The following PEPD variants were observed in gnomAD, a reference collection of about 807,000 sequenced individuals.
PEPD encodes xaa-Pro dipeptidase.
In PEPD, 53 loss-of-function variants were observed where a neutral mutation model predicts 60.7. The observed-to-expected ratio is 0.87, with a 90% CI of 0.70 to 1.10. PEPD has a LOEUF of 1.10. PEPD is among the 50% of genes least tolerant of loss of function. The probability of loss-of-function intolerance (pLI) is 0.00; values close to 1 mark genes in which losing one functional copy is unlikely to be tolerated. For synonymous variants in PEPD, 267 were observed against 284.1 expected (o/e 0.94, Z 0.60); for missense variants, 711 against 711.9 (o/e 1.00, Z 0.01).
In PEPD at chr19:33,407,375, G is replaced by C. The variant is rs73927845; in HGVS notation, c.818+4297C>G. ...TAGCTGCGAAGCTTGCTGGCCTGCA[G>C]TGGCTCTGGTGCCCACAGCCCAGGC... On this transcript the variant is annotated intron_variant, in intron 11 of 14. Coordinates refer to ENST00000244137, the MANE Select transcript of PEPD (RefSeq NM_000285.4). Among the ~76,000 whole-genome samples, 277 of 152,342 alleles carry C rather than the reference G, an allele frequency of 1.8e-3. 1 individual carries two copies. Among genetic ancestry groups the C allele is most frequent in the African/African-American group, 6.4e-3 (268 of 41,582 alleles).
chr19:33,465,451 C>T (rs189323847), intron 7 of PEPD, among the ~76,000 whole-genome samples: 6 of 152,254 alleles, frequency 3.9e-5, no homozygotes, highest in Admixed American at 1.3e-4. Context: ...TGAGGCCACA[C>T]CCCTCTACTG....
At chr19:33,425,875 A>C (rs554764581) in intron 9 of PEPD, among the ~76,000 whole-genome samples, 7 of 152,206 alleles carry the variant, frequency 4.6e-5, no homozygotes, top group Non-Finnish European at 1.0e-4. Context: ...AAGCTCCCCA[A>C]GTCCCCAGAT....
chr19:33,405,271 G>T (rs1968595403), intron 11 of PEPD, among the ~76,000 whole-genome samples: 1 of 152,250 alleles, frequency 6.6e-6, no homozygotes, highest in Admixed American at 6.5e-5. Flanking sequence ...AGGCCTCCAA[G>T]ATGGGTCGGC....
At chr19:33,441,980 A>C (rs1969486894) in intron 9 of PEPD, among the ~76,000 whole-genome samples, 1 of 152,224 alleles carries the variant, frequency 6.6e-6, no homozygotes, top group African/African-American at 2.4e-5. Context: ...ATCACCATGG[A>C]AAAGTGGAGC....
chr19:33,498,023 T>C (rs1257949362), intron 4 of PEPD, among the ~76,000 whole-genome samples: 2 of 151,680 alleles, frequency 1.3e-5, no homozygotes, highest in East Asian at 3.9e-4. Flanking sequence ...ATGAACGGGG[T>C]GGGGGCTACG....
intron 9 of PEPD, among the ~76,000 whole-genome samples, chr19:33,430,529 C>G (rs1335411698): frequency 6.6e-6 from 1 of 152,154 alleles, no homozygotes. Context: ...CCCAGAGAGA[C>G]CGGAAGCCTG....
intron 12 of PEPD, among the ~76,000 whole-genome samples, chr19:33,399,658 G>A (rs541838948): frequency 3.5e-4 from 53 of 152,312 alleles, no homozygotes; most frequent in African/African-American, 1.1e-3. Flanking sequence ...TTGGGCCGGC[G>A]ATCGAGGCTG....
intron 1 of PEPD, among the ~76,000 whole-genome samples, chr19:33,517,945 A>C (rs1600181412): frequency 2.1e-5 from 3 of 140,280 alleles, no homozygotes; most frequent in Admixed American, 7.5e-5. Flanking sequence ...CCAGTGTGAG[A>C]CTCCCTCTCA....
intron 9 of PEPD, 117 bp from the exon 10 acceptor site, chr19:33,413,760 A>C: frequency 1.5e-6 from 1 of 689,538 alleles, no homozygotes; most frequent in Non-Finnish European, 2.6e-6. Context: ...CCGTGGCCCC[A>C]CAATGGTCCA....
chr19:33,418,629 C>T (rs1968941850), intron 9 of PEPD, among the ~76,000 whole-genome samples: 1 of 152,232 alleles, frequency 6.6e-6, no homozygotes, highest in Non-Finnish European at 1.5e-5. Flanking sequence ...GCACCAGCGA[C>T]CTATCCAGGA....
At chr19:33,425,606 C>T (rs557764195) in intron 9 of PEPD, among the ~76,000 whole-genome samples, 4 of 152,184 alleles carry the variant, frequency 2.6e-5, no homozygotes, top group East Asian at 1.9e-4. Flanking sequence ...TATCTTGAAG[C>T]GCTAATGTCT....
chr19:33,422,217 C>T (rs1160684115), intron 9 of PEPD, among the ~76,000 whole-genome samples: 1 of 152,110 alleles, frequency 6.6e-6, no homozygotes, highest in African/African-American at 2.4e-5. Context: ...CATGCTCTCT[C>T]TCCCCCTTCA....
At chr19:33,441,045 G>C (rs1013128811) in intron 9 of PEPD, among the ~76,000 whole-genome samples, 1 of 152,176 alleles carries the variant, frequency 6.6e-6, no homozygotes, top group Non-Finnish European at 1.5e-5. Context: ...CAAACCCTCT[G>C]AATGGTCAAA....
At chr19:33,459,705 T>C (rs1969891833) in intron 9 of PEPD, among the ~76,000 whole-genome samples, 1 of 151,752 alleles carries the variant, frequency 6.6e-6, no homozygotes, top group African/African-American at 2.4e-5. Flanking sequence ...CAAGATTTTA[T>C]AACAAATCAT....
At chr19:33,459,188 C>T (rs1008461207) in intron 9 of PEPD, among the ~76,000 whole-genome samples, 1 of 152,068 alleles carries the variant, frequency 6.6e-6, no homozygotes, top group Non-Finnish European at 1.5e-5. Context: ...CGCCACCACA[C>T]GGTACCCGTC....
intron 9 of PEPD, among the ~76,000 whole-genome samples, chr19:33,461,009 CT>C (rs1409349971): frequency 6.6e-6 from 1 of 152,142 alleles, no homozygotes; most frequent in Non-Finnish European, 1.5e-5. Flanking sequence ...TGGATCCTGA[CT>C]TGAACAAACC....
intron 7 of PEPD, 62 bp from the exon 8 acceptor site, chr19:33,464,124 C>T (rs1276408678): frequency 4.0e-6 from 5 of 1,236,956 alleles, no homozygotes; most frequent in Non-Finnish European, 5.9e-6. Flanking sequence ...GGCTGGACCC[C>T]TCCAGGGAGA....
At chr19:33,485,294 G>A (rs1970376259) in intron 6 of PEPD, among the ~76,000 whole-genome samples, 1 of 152,106 alleles carries the variant, frequency 6.6e-6, no homozygotes, top group Non-Finnish European at 1.5e-5. Flanking sequence ...AGGAGCTCGA[G>A]ACCAGCCTGG....
chr19:33,483,714 G>A (rs142824467), intron 6 of PEPD, among the ~76,000 whole-genome samples: 54 of 152,282 alleles, frequency 3.5e-4, no homozygotes, highest in African/African-American at 1.3e-3. Context: ...GAAGGCTAAG[G>A]TGGGAAGATC....
Sources: gnomAD v4.1 joint callset for allele counts (sites outside exome capture counted in the v4.1 genomes callset) on GRCh38, gnomAD v4.1.1 for gene constraint, MANE v1.5 for transcripts, NCBI Gene and HGNC (gene_info 2026-07-23, HGNC 2026-07-21) for gene names.